The following APC variants were observed in gnomAD, a reference collection of about 807,000 sequenced individuals.
APC encodes the protein adenomatous polyposis coli protein.
Under a neutral mutation model 247.0 loss-of-function variants are expected in APC, and 72 were observed. The ratio of observed to expected loss-of-function variants is 0.29; its 90% CI spans 0.24 to 0.35. The LOEUF (loss-of-function observed/expected upper bound fraction) is 0.35. Among genes scored for constraint, APC ranks in the 10% least tolerant of loss-of-function variants. The pLI, the probability that APC is intolerant of heterozygous loss-of-function variation, is 1.00. For synonymous variants in APC, 1,254 were observed against 1,162.5 expected (o/e 1.08, Z -1.60); for missense variants, 3,400 against 3,360.7 (o/e 1.01, Z -0.29).
intron 13 of APC, 28 bp downstream of exon 13, chr5:112,828,034 C>G: frequency 6.3e-7 from 1 of 1,584,914 alleles, no homozygotes; most frequent in South Asian, 1.1e-5. Context: ...ACCTGTTTTT[C>G]TTTTTTCTCT....
At chr5:112,817,455 A>G (rs1238915670) in intron 9 of APC, among the ~76,000 whole-genome samples, 1 of 152,162 alleles carries the variant, frequency 6.6e-6, no homozygotes, top group African/African-American at 2.4e-5. Context: ...AGTTGTATGT[A>G]CCTTATCTCT....
chr5:112,746,654 A>G (rs1753716038), intron 1 of APC, among the ~76,000 whole-genome samples: 2 of 152,214 alleles, frequency 1.3e-5, no homozygotes, highest in Admixed American at 6.5e-5. Context: ...ACTAACAAAA[A>G]CTTTAAACTC....
At chr5:112,753,702 G>A (rs1031870161) in intron 1 of APC, among the ~76,000 whole-genome samples, 1 of 152,072 alleles carries the variant, frequency 6.6e-6, no homozygotes, top group African/African-American at 2.4e-5. Context: ...TGAGTCCCCT[G>A]ATTTCCTTTG....
In APC at chr5:112,842,804, A is replaced by G. The variant is rs1766413072; in HGVS notation, c.7210A>G (p.Met2404Val). ...GTCTGCCTCCAAAGGACTAAATCAG[A>G]TGAATAATGGTAATGGAGCCAATAA... ...SESASKGLNQ[M>V]NNGNGANKKV... The change falls in exon 16 of 16, where the codon ATG (methionine) becomes GTG (valine). Residue 2404 changes from methionine to valine, a missense_variant. Transcript: ENST00000257430. 1.2e-6 allele frequency: 2 copies of G among 1,613,502 alleles called. No homozygotes were observed. The highest frequency in any genetic ancestry group is 1.7e-5 in the Admixed American group (1 of 60,002).
At chr5:112,807,850 G>C (rs571645625) in intron 8 of APC, among the ~76,000 whole-genome samples, 1 of 152,000 alleles carries the variant, frequency 6.6e-6, no homozygotes, top group Non-Finnish European at 1.5e-5. Flanking sequence ...AAAGATAAAA[G>C]TACTTATTAA....
intron 1 of APC, among the ~76,000 whole-genome samples, chr5:112,746,566 A>G (rs116135110): frequency 1.3e-4 from 20 of 152,320 alleles, no homozygotes; most frequent in Non-Finnish European, 2.9e-4. Flanking sequence ...CAAAAATCTT[A>G]TAACTGACTG....
rs878853479 is a variant in APC, at chr5:112,844,102, G to T, written c.8508G>T (p.Gly2836=). The change falls in exon 16 of 16, where the codon GGG becomes GGT. Residue 2836 remains glycine, a synonymous_variant. Coordinates refer to ENST00000257430, the MANE Select transcript of APC (RefSeq NM_000038.6). ...SGTQSPKRHS[G]SYLVTSV ...CCCAAAGTCCTAAGCGCCATTCTGG[G>T]TCTTACCTTGTGACATCTGTTTAAA... 3.7e-6 allele frequency: 6 copies of T among 1,612,642 alleles called. No individual in the cohort carries two copies. The African/African-American group carries it at 4.0e-5, about 11-fold the overall frequency.
Position 112,840,942 on chromosome 5 carries a change from C to T in APC, c.5348C>T (p.Thr1783Ile), listed in dbSNP as rs878853456. The T allele has an allele frequency of 1.2e-6, 2 of 1,613,578 alleles. No individual in the cohort carries two copies. Among genetic ancestry groups the T allele is most frequent in the Non-Finnish European group, 1.7e-6 (2 of 1,179,636 alleles). ...TSPVKPIPQNTEYRTRVRKNA... is the reference protein window; with the variant it reads ...TSPVKPIPQNIEYRTRVRKNA... ...CCAGTAAAACCTATACCACAAAATA[C>T]TGAATATAGGACACGTGTAAGAAAA... The change falls in exon 16 of 16, where the codon ACT becomes ATT. Residue 1783 changes from threonine (T) to isoleucine (I), a missense_variant. Transcript: ENST00000257430. The surrounding 1 kb of genome is among the most constrained non-coding windows in gnomAD (Gnocchi z 4.1).
rs1554076169 is a variant in APC, at chr5:112,801,320, T to G, written c.771T>G (p.Ala257=). ...QNKHETGSHD[A]ERQNEGQGVG... ...AGCATGAAACCGGCTCACATGATGC[T>G]GAGCGGCAGAATGAAGGTCAAGGAG... Residue 257 remains alanine (A), a synonymous_variant, in exon 8 of 16, where the codon GCT becomes GCG. Coordinates refer to ENST00000257430, the MANE Select transcript of APC (RefSeq NM_000038.6). 7 of 1,613,146 alleles carry G rather than the reference T, an allele frequency of 4.3e-6. No homozygotes were observed. In the South Asian group the frequency reaches 7.7e-5, roughly 18 times the overall value.
intron 1 of APC, among the ~76,000 whole-genome samples, chr5:112,711,572 A>G (rs192091673): frequency 2.0e-5 from 3 of 152,322 alleles, no homozygotes; most frequent in Non-Finnish European, 2.9e-5. Flanking sequence ...ATGAAAGATA[A>G]GCTGGGCCAT....
In APC at chr5:112,845,420, A is replaced by G. The variant is rs886059813; in HGVS notation, c.*1294A>G. 9 of 233,216 alleles carry G rather than the reference A, an allele frequency of 3.9e-5. No homozygotes were observed. The Admixed American group carries it at 3.9e-4, about 10-fold the overall frequency. 14.4% of individuals were successfully genotyped at this position (233,216 alleles called of 1,614,324 possible). ...CATTGCAGTCTCTTCGAGGCTTTAC[A>G]GTGTAAACTGTCTTGCCCCTTCATC... On this transcript the variant is annotated 3_prime_UTR_variant, in exon 16 of 16. Transcript: ENST00000257430.
At chr5:112,771,441 T>G (rs950050398) in intron 4 of APC, among the ~76,000 whole-genome samples, 12 of 152,198 alleles carry the variant, frequency 7.9e-5, no homozygotes, top group African/African-American at 2.9e-4. Flanking sequence ...CTAATATGTT[T>G]GGGTGTTCTT....
At chr5:112,804,014 C>T (rs1761110553) in intron 8 of APC, among the ~76,000 whole-genome samples, 1 of 152,206 alleles carries the variant, frequency 6.6e-6, no homozygotes, top group African/African-American at 2.4e-5. Context: ...TTTCTCACCA[C>T]TCCCTCAACT....
chr5:112,725,476 G>A (rs1398812746), intron 1 of APC, among the ~76,000 whole-genome samples: 5 of 152,070 alleles, frequency 3.3e-5, no homozygotes, highest in Non-Finnish European at 5.9e-5. Context: ...AGGAGGGGCC[G>A]GGCACAGTGG....
At chr5:112,711,728 CAAAA>C (rs947285613) in intron 1 of APC, among the ~76,000 whole-genome samples, 14 of 152,072 alleles carry the variant, frequency 9.2e-5, no homozygotes, top group South Asian at 6.3e-4. Context: ...CTCAAAAAAA[CAAAA>C]AAACCCAAAG....
Position 112,841,805 on chromosome 5 carries a change from A to G in APC, c.6211A>G (p.Ile2071Val), listed in dbSNP as rs761015023. The change falls in exon 16 of 16, where the codon ATA becomes GTA. Residue 2071 changes from isoleucine (I) to valine (V), a missense_variant. Coordinates refer to ENST00000257430, the MANE Select transcript of APC (RefSeq NM_000038.6). The surrounding 1 kb of genome is among the most constrained non-coding windows in gnomAD (Gnocchi z 4.6). ...ACATAGTCCCAGAAATATGGGTGGC[A>G]TATTAGGTGAAGATCTGACACTTGA... ...EKHSPRNMGGILGEDLTLDLK... is the reference protein window; with the variant it reads ...EKHSPRNMGGVLGEDLTLDLK... 1.2e-6 allele frequency: 2 copies of G among 1,614,062 alleles called. No individual in the cohort carries two copies. The highest frequency in any genetic ancestry group is 8.5e-7 in the Non-Finnish European group (1 of 1,179,944).
chr5:112,782,601 C>G lies in APC; in HGVS notation c.645+1698C>G, dbSNP rs1272118755. On this transcript the variant is annotated intron_variant, in intron 6 of 15. Transcript: ENST00000257430. ...ATAATACGTGTATATATCATTTTTT[C>G]TTACCTTCCCTCTTGCCCCTATCCC... Among the ~76,000 whole-genome samples the G allele has an allele frequency of 2.0e-5, 3 of 152,112 alleles. No homozygotes were observed. In the East Asian group the frequency reaches 5.8e-4, roughly 29 times the overall value.
intron 1 of APC, among the ~76,000 whole-genome samples, chr5:112,725,719 C>T (rs1038816344): frequency 8.5e-5 from 13 of 152,120 alleles, no homozygotes; most frequent in African/African-American, 2.7e-4. Flanking sequence ...TGTGATCATG[C>T]CACTGCATTC....
intron 5 of APC, 150 bp downstream of exon 5, chr5:112,775,887 A>C: frequency 6.8e-5 from 32 of 469,576 alleles, no homozygotes; most frequent in East Asian, 1.7e-4. Context: ...TGAATATATA[A>C]TAGTTAATGA....
Sources: allele counts gnomAD v4.1 joint callset (sites outside exome capture counted in the v4.1 genomes callset), GRCh38; gene constraint gnomAD v4.1.1; non-coding constraint Gnocchi (gnomAD v3.1); transcripts MANE v1.5; gene names NCBI Gene and HGNC (gene_info 2026-07-23, HGNC 2026-07-21).